Variants in USH2A observed in about 807,000 individuals in gnomAD.
USH2A encodes Usher syndrome 2A (autosomal recessive, mild).
A neutral mutation model predicts 538.9 loss-of-function variants in USH2A; 443 were observed. The observed-to-expected ratio is 0.82, with a 90% confidence interval of 0.76 to 0.89. The LOEUF (loss-of-function observed/expected upper bound fraction) is 0.89. USH2A is among the 40% of genes least tolerant of loss of function. The probability of loss-of-function intolerance (pLI) is 0.00; values close to 1 mark genes in which losing one functional copy is unlikely to be tolerated. For synonymous variants in USH2A, 2,413 were observed against 2,273.5 expected (o/e 1.06, Z -1.75); for missense variants, 6,633 against 6,324.8 (o/e 1.05, Z -1.65).
rs78287181 is a variant in USH2A, at chr1:215,834,795, C to T, written c.9371+3196G>A. On this transcript the variant is annotated intron_variant, in intron 47 of 71. Transcript: ENST00000307340. ...TTTTTTTTTTTTAAATTTTCTCCCTCTTTTCCTTTGATTCTCTTTTGAAGC... is the reference window on the plus strand; with the variant it reads ...TTTTTTTTTTTTAAATTTTCTCCCTTTTTTCCTTTGATTCTCTTTTGAAGC... 2.8e-3 allele frequency among the ~76,000 whole-genome samples: 415 copies of T among 150,742 alleles called. 5 individuals are homozygous for T. The highest frequency in any genetic ancestry group is 0.018 in the South Asian group (88 of 4,780).
intron 32 of USH2A, among the ~76,000 whole-genome samples, chr1:216,029,801 C>T (rs976788968): frequency 2.0e-4 from 31 of 151,628 alleles, no homozygotes; most frequent in South Asian, 2.1e-4. Flanking sequence ...TTACCAGGGT[C>T]ATGATGCGTT....
chr1:216,146,387 G>A (rs2033704482), intron 21 of USH2A, among the ~76,000 whole-genome samples: 2 of 152,152 alleles, frequency 1.3e-5, no homozygotes, highest in African/African-American at 2.4e-5. Flanking sequence ...TCACAGACTG[G>A]GAAGGCAGCC....
intron 27 of USH2A, among the ~76,000 whole-genome samples, chr1:216,073,606 T>A (rs941175355): frequency 6.6e-6 from 1 of 152,216 alleles, no homozygotes. Flanking sequence ...CTTCTTCCCA[T>A]AAAATAAAAT....
At chr1:215,836,466 A>ATATATATATATAATATATATATAT (rs1663491309) in intron 47 of USH2A, among the ~76,000 whole-genome samples, 4 of 8,732 alleles carry the variant, frequency 4.6e-4, no homozygotes, top group Admixed American at 3.7e-3. Context: ...TATATATATT[A>ATATATATATATAATATATATATAT]TATATATATA....
chr1:215,680,941 A>G (rs371566157), intron 61 of USH2A, among the ~76,000 whole-genome samples: 3 of 152,162 alleles, frequency 2.0e-5, no homozygotes, highest in East Asian at 1.9e-4. Context: ...TAACAAGCCA[A>G]TTCAACTATA....
chr1:216,118,575 C>A (rs191737226), intron 21 of USH2A, among the ~76,000 whole-genome samples: 1 of 152,326 alleles, frequency 6.6e-6, no homozygotes, highest in East Asian at 1.9e-4. Flanking sequence ...CTCCAACAGA[C>A]AATGCTCATC....
In USH2A at chr1:216,406,524, A is replaced by G. The variant is rs115418164; in HGVS notation, c.651+11990T>C. On this transcript the variant is annotated intron_variant, in intron 3 of 71. Coordinates refer to ENST00000307340, the MANE Select transcript of USH2A (RefSeq NM_206933.4). ...ATAAAGTGGTTTTAAAAATATGCAA[A>G]CCAACAAGCACTACCTATACTAGAC... Among the ~76,000 whole-genome samples, 597 of 152,300 alleles carry G rather than the reference A, an allele frequency of 3.9e-3. 3 individuals are homozygous for G. The highest frequency in any genetic ancestry group is 6.7e-3 in the Non-Finnish European group (455 of 68,018).
At chr1:215,787,019 T>C (rs1198328793) in intron 51 of USH2A, 145 bp from the exon 52 acceptor site, 1 of 788,584 alleles carries the variant, frequency 1.3e-6, no homozygotes, top group African/African-American at 1.7e-5. Context: ...TAAAAAGAAA[T>C]GAAGGCAGTT....
At chr1:216,213,834 T>C (rs2035292951) in intron 15 of USH2A, among the ~76,000 whole-genome samples, 1 of 151,988 alleles carries the variant, frequency 6.6e-6, no homozygotes, top group Admixed American at 6.6e-5. Context: ...GCAAGTTTTA[T>C]CCCAAATTAA....
chr1:216,364,920 GA>G, intron 4 of USH2A, 32 bp downstream of exon 4: 1 of 1,611,534 alleles, frequency 6.2e-7, no homozygotes, highest in Non-Finnish European at 8.5e-7. Flanking sequence ...GTAATTGGAT[GA>G]AATAAATAAC....
intron 37 of USH2A, among the ~76,000 whole-genome samples, chr1:215,958,595 G>A (rs950794768): frequency 6.6e-6 from 1 of 151,978 alleles, no homozygotes; most frequent in African/African-American, 2.4e-5. Context: ...TGGGGGATGG[G>A]GAGCCATCAC....
intron 12 of USH2A, among the ~76,000 whole-genome samples, chr1:216,249,663 T>G (rs1264360507): frequency 1.3e-5 from 2 of 152,150 alleles, no homozygotes; most frequent in African/African-American, 4.8e-5. Context: ...TAATGTTTCT[T>G]TAAACCAGAG....
Position 216,245,470 on chromosome 1 carries a change from TGAGAGAGAGAGAGAGAGA to T in USH2A, c.2809+1097_2809+1114del, listed in dbSNP as rs10535828. ...GAAAGAGAGAGGTAAAGTCCCCTTC[TGAGAGAGAGAGAGAGAGA>T]GAGAGAGAGAGAGAGAGAGAGAGAG... On this transcript the variant is annotated intron_variant, in intron 13 of 71. Coordinates refer to ENST00000307340, the MANE Select transcript of USH2A (RefSeq NM_206933.4). 2.7e-3 allele frequency among the ~76,000 whole-genome samples: 306 copies of T among 114,236 alleles called. 2 individuals carry two copies. The highest frequency in any genetic ancestry group is 9.5e-3 in the African/African-American group (261 of 27,540). The allele number at this position is 114,236 out of a possible 152,430, so 74.9% of individuals were successfully genotyped here. A position where few individuals can be genotyped will look rare whatever the true frequency, so the allele number is the denominator to read the frequency against.
At chr1:216,081,626 C>T (rs544614197) in intron 26 of USH2A, among the ~76,000 whole-genome samples, 1 of 152,170 alleles carries the variant, frequency 6.6e-6, no homozygotes, top group South Asian at 2.1e-4. Context: ...AGACAGAGCT[C>T]TCTTGCCCAG....
At chr1:215,694,806 G>A (rs530482185) in intron 61 of USH2A, among the ~76,000 whole-genome samples, 1 of 152,288 alleles carries the variant, frequency 6.6e-6, no homozygotes, top group South Asian at 2.1e-4. Context: ...GTGGGCAACT[G>A]CATTCAGTCC....
intron 21 of USH2A, among the ~76,000 whole-genome samples, chr1:216,097,964 C>G (rs528031706): frequency 1.7e-4 from 26 of 150,702 alleles, no homozygotes; most frequent in African/African-American, 2.9e-4. Flanking sequence ...ATGCCTCCCC[C>G]CTACCTTTAC....
At chr1:215,890,710 A>G (rs1488167842) in intron 40 of USH2A, among the ~76,000 whole-genome samples, 4 of 152,214 alleles carry the variant, frequency 2.6e-5, no homozygotes, top group Admixed American at 2.6e-4. Flanking sequence ...AGCAATTATT[A>G]TATCAAAATG....
At chr1:215,816,940 C>T (rs1662873915) in intron 48 of USH2A, 57 bp downstream of exon 48, 2 of 1,552,598 alleles carry the variant, frequency 1.3e-6, no homozygotes, top group Non-Finnish European at 1.8e-6. Context: ...CTAATAATTT[C>T]ACTTGGAGTC....
At chr1:215,934,979 A>G (rs1337969662) in intron 37 of USH2A, among the ~76,000 whole-genome samples, 184 bp from the exon 38 acceptor site, 1 of 152,034 alleles carries the variant, frequency 6.6e-6, no homozygotes, top group Non-Finnish European at 1.5e-5. Flanking sequence ...CTTGTGAACA[A>G]AAGTGCTATC....
Sources: allele counts gnomAD v4.1 joint callset (sites outside exome capture counted in the v4.1 genomes callset), GRCh38; gene constraint gnomAD v4.1.1; transcripts MANE v1.5; gene names NCBI Gene and HGNC (gene_info 2026-07-23, HGNC 2026-07-21).